The following ZNF33A variants were observed in gnomAD, a reference collection of about 807,000 sequenced individuals.
The protein encoded by ZNF33A is brain my041 protein.
ZNF33A carries 9 observed loss-of-function variants against 15.9 expected under a neutral mutation model. The observed-to-expected ratio is 0.57, with a 90% CI of 0.34 to 0.99. The LOEUF is 0.99. ZNF33A is among the 50% of genes least tolerant of loss of function. The pLI, the probability that ZNF33A is intolerant of heterozygous loss-of-function variation, is 0.02. For synonymous variants in ZNF33A, 294 were observed against 324.2 expected (o/e 0.91, Z 1.00); for missense variants, 843 against 941.6 (o/e 0.90, Z 1.37).
chr10:38,056,064 G>T lies in ZNF33A; in HGVS notation c.1940G>T (p.Cys647Phe). Residue 647 changes from cysteine (C) to phenylalanine (F), a missense_variant, in exon 5 of 5, where the codon TGC becomes TTC. Physicochemically the swap from Cys to Phe is radical, Grantham distance 205 (BLOSUM62 -2). Transcript: ENST00000432900. ...YKCNECGKAF[C>F]HKSALIVHQR... ...TGTAATGAGTGTGGAAAAGCTTTCT[G>T]CCATAAGTCAGCTCTAATTGTACAT... 6.2e-7 allele frequency: 1 copy of T among 1,614,070 alleles called. No homozygotes were observed. The highest frequency in any genetic ancestry group is 8.5e-7 in the Non-Finnish European group (1 of 1,180,004).
intron 4 of ZNF33A, among the ~76,000 whole-genome samples, chr10:38,020,529 A>G (rs2135563192): frequency 6.6e-6 from 1 of 152,238 alleles, no homozygotes; most frequent in South Asian, 2.1e-4. Flanking sequence ...AGTCTCTGGT[A>G]ACCGTCCTTT....
chr10:38,056,131 ATG>A lies in ZNF33A; in HGVS notation c.2010_2011del (p.Cys670TrpfsTer14). 2 of 1,614,134 alleles carry A rather than the reference ATG, an allele frequency of 1.2e-6. No individual in the cohort carries two copies. Among genetic ancestry groups the A allele is most frequent in the Non-Finnish European group, 1.7e-6 (2 of 1,180,000 alleles). ...AAGAAAAGCCCTATAAATGTAATGA[ATG>A]TGGAAAATCTTTCTGTGTAAAATCA... is the stretch of plus-strand genomic sequence containing the variant. ...TQEKPYKCNE[C>X]GKSFCVKSGL... On this transcript the variant is annotated frameshift_variant, in exon 5 of 5. Coordinates refer to ENST00000432900, the MANE Select transcript of ZNF33A (RefSeq NM_006954.2). LOFTEE classifies it low-confidence loss of function (END_TRUNC).
intron 4 of ZNF33A, among the ~76,000 whole-genome samples, chr10:38,040,294 C>T (rs2065639513): frequency 1.3e-5 from 2 of 152,058 alleles, no homozygotes; most frequent in East Asian, 3.9e-4. Flanking sequence ...AATGTTCTGT[C>T]TATATCTCTT....
chr10:38,065,455 T>C (rs1378485247), downstream of ZNF33A, among the ~76,000 whole-genome samples: 1 of 152,250 alleles, frequency 6.6e-6, no homozygotes, highest in Non-Finnish European at 1.5e-5. Context: ...AGACAAGCGA[T>C]ACCTGTTGAC....
At chr10:38,022,170 G>A (rs2064774538) in intron 4 of ZNF33A, among the ~76,000 whole-genome samples, 2 of 152,082 alleles carry the variant, frequency 1.3e-5, no homozygotes, top group Non-Finnish European at 2.9e-5. Flanking sequence ...ATAGGAAAAA[G>A]TAGAGAAAAC....
chr10:38,042,927 A>G (rs1253883295), intron 4 of ZNF33A, among the ~76,000 whole-genome samples: 2 of 152,176 alleles, frequency 1.3e-5, no homozygotes. Flanking sequence ...TGACTTATAC[A>G]TATTTGCTTA....
chr10:38,016,151 T>C (rs2064441229), intron 2 of ZNF33A: 3 of 529,592 alleles, frequency 5.7e-6, no homozygotes, highest in Admixed American at 4.4e-5. Flanking sequence ...ATGAAGAAAA[T>C]GTCAGGCTCT....
chr10:38,049,089 G>A (rs936079240), intron 4 of ZNF33A, among the ~76,000 whole-genome samples: 1 of 151,794 alleles, frequency 6.6e-6, no homozygotes, highest in Non-Finnish European at 1.5e-5. Context: ...CACCATAAGG[G>A]GTTTAAATTT....
chr10:38,057,445 A>G lies in ZNF33A; in HGVS notation c.*885A>G. 7 of 985,464 alleles carry G rather than the reference A, an allele frequency of 7.1e-6. No individual in the cohort carries two copies. The highest frequency in any genetic ancestry group is 8.4e-6 in the Non-Finnish European group (7 of 829,936). The allele number at this position is 985,464 out of a possible 1,614,324, so 61.0% of individuals were successfully genotyped here. A position where few individuals can be genotyped will look rare whatever the true frequency, so the allele number is the denominator to read the frequency against. ...TATATATGTATAAGTGGTATGTGAT[A>G]TAAATCGTGTGTTTCATATGCATAA... is the stretch of plus-strand genomic sequence containing the variant. On this transcript the variant is annotated 3_prime_UTR_variant, in exon 5 of 5. Coordinates refer to ENST00000432900, the MANE Select transcript of ZNF33A (RefSeq NM_006954.2).
chr10:38,010,798 G>A lies in ZNF33A; in HGVS notation c.-45+15G>A, dbSNP rs1284889787. The A allele has an allele frequency of 2.5e-6, 4 of 1,598,220 alleles. No homozygotes were observed. In the African/African-American group the frequency reaches 5.3e-5, roughly 21 times the overall value. Reference sequence around the variant, plus strand: ...GAGGGAGTGGGGTAAGCCCCAGTGGGTTGGGCAGGGAGAGAGAGGGAGCCC... The same window carrying A: ...GAGGGAGTGGGGTAAGCCCCAGTGGATTGGGCAGGGAGAGAGAGGGAGCCC... On this transcript the variant is annotated intron_variant, in intron 1 of 4. Coordinates refer to ENST00000432900, the MANE Select transcript of ZNF33A (RefSeq NM_006954.2).
chr10:38,044,233 G>A (rs574110926), intron 4 of ZNF33A, among the ~76,000 whole-genome samples: 77 of 141,852 alleles, frequency 5.4e-4, no homozygotes, highest in Admixed American at 2.4e-3. Context: ...TTGAGATGGA[G>A]TTTCTCTCTT....
downstream of ZNF33A, chr10:38,064,162 A>C: frequency 6.4e-7 from 1 of 1,574,338 alleles, no homozygotes; most frequent in Non-Finnish European, 8.6e-7. Context: ...TGCCTGCCAC[A>C]CCAGGACTGG....
chr10:38,020,044 T>C (rs960775939), intron 4 of ZNF33A, among the ~76,000 whole-genome samples: 8 of 152,078 alleles, frequency 5.3e-5, no homozygotes, highest in African/African-American at 1.9e-4. Context: ...GAGAATACTA[T>C]AAAATGTGAT....
intron 4 of ZNF33A, among the ~76,000 whole-genome samples, chr10:38,030,146 T>C (rs968875930): frequency 6.6e-6 from 1 of 152,214 alleles, no homozygotes; most frequent in Non-Finnish European, 1.5e-5. Flanking sequence ...TGTTCATATG[T>C]TTTTGATGGC....
chr10:38,013,783 A>C (rs756293044), intron 2 of ZNF33A, among the ~76,000 whole-genome samples: 3 of 152,134 alleles, frequency 2.0e-5, no homozygotes, highest in Non-Finnish European at 2.9e-5. Flanking sequence ...AGATAGATAC[A>C]CAACCCCCTA....
At chr10:38,037,152 C>G (rs1403513944) in intron 4 of ZNF33A, among the ~76,000 whole-genome samples, 1 of 152,014 alleles carries the variant, frequency 6.6e-6, no homozygotes, top group Non-Finnish European at 1.5e-5. Context: ...CTTTATCTAT[C>G]CCCAGGGCAT....
downstream of ZNF33A, among the ~76,000 whole-genome samples, chr10:38,063,739 T>G (rs1359762487): frequency 6.6e-6 from 1 of 152,210 alleles, no homozygotes; most frequent in Non-Finnish European, 1.5e-5. Flanking sequence ...ATAGCACCCC[T>G]GTTTTCTCTG....
downstream of ZNF33A, among the ~76,000 whole-genome samples, chr10:38,061,469 A>T (rs2066652964): frequency 6.6e-6 from 1 of 152,168 alleles, no homozygotes; most frequent in Non-Finnish European, 1.5e-5. Flanking sequence ...ACCCCTTGCC[A>T]GTGTGCCTGA....
chr10:38,013,553 G>C (rs1297760392), intron 2 of ZNF33A, among the ~76,000 whole-genome samples: 1 of 151,198 alleles, frequency 6.6e-6, no homozygotes, highest in African/African-American at 2.4e-5. Context: ...TCGACTCCTT[G>C]GTTAAAGTGA....
Sources: gnomAD v4.1 joint callset for allele counts (sites outside exome capture counted in the v4.1 genomes callset) on GRCh38, gnomAD v4.1.1 for gene constraint, MANE v1.5 for transcripts, NCBI Gene and HGNC (gene_info 2026-07-23, HGNC 2026-07-21) for gene names.